The following ESRRG variants were observed in gnomAD, a reference collection of about 807,000 sequenced individuals.
The protein encoded by ESRRG is estrogen related receptor gamma.
In ESRRG, 13 loss-of-function variants were observed where a neutral mutation model predicts 44.0. That is an observed-to-expected ratio of 0.30 (90% CI 0.19 to 0.47). The LOEUF (loss-of-function observed/expected upper bound fraction) is 0.47, where lower values mean the gene tolerates loss of function less well. ESRRG is among the 20% of genes least tolerant of loss of function. ESRRG has a pLI of 1.00. For synonymous variants in ESRRG, 215 were observed against 214.6 expected (o/e 1.00, Z -0.02); for missense variants, 395 against 580.6 (o/e 0.68, Z 3.29).
intron 2 of ESRRG, among the ~76,000 whole-genome samples, chr1:216,912,284 A>AG (rs2060566717): frequency 8.7e-6 from 1 of 114,742 alleles, no homozygotes; most frequent in Non-Finnish European, 1.8e-5. Context: ...AGGAGAGGGG[A>AG]GGAGAGGAAA....
chr1:216,507,214 TATA>T (rs1403071543), intron 6 of ESRRG, 31 bp from the exon 7 acceptor site: 11 of 1,484,222 alleles, frequency 7.4e-6, no homozygotes, highest in African/African-American at 5.6e-5. Context: ...TATGAGTAAT[TATA>T]ATAATAATAG....
chr1:216,611,097 G>A (rs1423328781), intron 3 of ESRRG, among the ~76,000 whole-genome samples: 2 of 151,610 alleles, frequency 1.3e-5, no homozygotes, highest in Non-Finnish European at 2.9e-5. Context: ...CAGCTACTCG[G>A]GAGGCTGAGG....
At chr1:216,639,287 C>T (rs893618281) in intron 3 of ESRRG, among the ~76,000 whole-genome samples, 4 of 152,132 alleles carry the variant, frequency 2.6e-5, no homozygotes, top group Non-Finnish European at 4.4e-5. Flanking sequence ...AAAGAACAAA[C>T]TTAATGGGGT....
At chr1:216,554,723 G>C (rs931529372) in intron 5 of ESRRG, among the ~76,000 whole-genome samples, 5 of 152,098 alleles carry the variant, frequency 3.3e-5, no homozygotes. Flanking sequence ...TGTTAGATTT[G>C]TTGAAAATTA....
chr1:216,700,579 G>A (rs1332340928), intron 1 of ESRRG, among the ~76,000 whole-genome samples: 1 of 152,054 alleles, frequency 6.6e-6, no homozygotes, highest in Non-Finnish European at 1.5e-5. Flanking sequence ...GGTTCGTAAA[G>A]GCCTCCTAAC....
intron 1 of ESRRG, among the ~76,000 whole-genome samples, chr1:217,037,440 A>G (rs2083099043): frequency 6.6e-6 from 1 of 152,154 alleles, no homozygotes; most frequent in Admixed American, 6.5e-5. Flanking sequence ...AGAAACTCTC[A>G]TTTTCAAAAC....
At chr1:216,843,485 A>C (rs2095687078) in intron 2 of ESRRG, among the ~76,000 whole-genome samples, 1 of 152,162 alleles carries the variant, frequency 6.6e-6, no homozygotes, top group South Asian at 2.1e-4. Context: ...ATTGATGAAA[A>C]ATACCACTTA....
At chr1:217,012,653 G>T (rs1397021569) in intron 1 of ESRRG, among the ~76,000 whole-genome samples, 1 of 152,144 alleles carries the variant, frequency 6.6e-6, no homozygotes, top group African/African-American at 2.4e-5. Flanking sequence ...TCCTCAAGCT[G>T]CCTCTCCCCA....
At chr1:217,081,218 A>ATTCTTTTT (rs2091737561) in intron 1 of ESRRG, among the ~76,000 whole-genome samples, 1 of 32,748 alleles carries the variant, frequency 3.1e-5, no homozygotes. Flanking sequence ...AGATAAAAAT[A>ATTCTTTTT]TTCTTTTTTT....
intron 3 of ESRRG, among the ~76,000 whole-genome samples, chr1:216,633,394 C>A (rs530418794): frequency 6.6e-6 from 1 of 152,296 alleles, no homozygotes; most frequent in South Asian, 2.1e-4. Flanking sequence ...ACTCCTATTG[C>A]CTAGATTCCA....
chr1:216,558,239 T>C (rs981085559), intron 5 of ESRRG, among the ~76,000 whole-genome samples: 2 of 152,310 alleles, frequency 1.3e-5, no homozygotes, highest in Admixed American at 6.5e-5. Context: ...AGATTATTTT[T>C]TTCAAAACTT....
At chr1:216,678,103 A>C (rs1405723591) in intron 1 of ESRRG, among the ~76,000 whole-genome samples, 1 of 152,226 alleles carries the variant, frequency 6.6e-6, no homozygotes, top group Non-Finnish European at 1.5e-5. Flanking sequence ...CACATAGGGA[A>C]TATATCCTCA....
At chr1:216,855,433 G>A (rs899316052) in intron 2 of ESRRG, among the ~76,000 whole-genome samples, 1 of 151,816 alleles carries the variant, frequency 6.6e-6, no homozygotes, top group African/African-American at 2.4e-5. Context: ...AATATCTGTG[G>A]GTATATTATT....
intron 5 of ESRRG, among the ~76,000 whole-genome samples, chr1:216,563,032 T>G (rs751195444): frequency 7.9e-5 from 12 of 152,206 alleles, no homozygotes; most frequent in Non-Finnish European, 1.2e-4. Flanking sequence ...CTTATTCTTC[T>G]TTTATATGTA....
Position 216,723,292 on chromosome 1 carries a change from G to C in ESRRG, c.8C>G (p.Ser3Trp). 1 of 1,613,518 alleles carries C rather than the reference G, an allele frequency of 6.2e-7. No homozygotes were observed. The highest frequency in any genetic ancestry group is 8.5e-7 in the Non-Finnish European group (1 of 1,179,814). MD[S>W]VELCLPESFS... ...AGATTCAGGAAGGCAAAGTTCTACC[G>C]AATCCATGTGCGACCGGCAACCATT... Residue 3 changes from serine (S) to tryptophan (W), a missense_variant, in exon 1 of 7, where the codon TCG becomes TGG. Coordinates refer to ENST00000408911, the MANE Select transcript of ESRRG (RefSeq NM_001438.4).
chr1:216,632,525 T>A (rs990634299), intron 3 of ESRRG, among the ~76,000 whole-genome samples: 2 of 152,182 alleles, frequency 1.3e-5, no homozygotes, highest in East Asian at 3.9e-4. Context: ...ATGACTAGAA[T>A]GTTTTCTTAA....
chr1:216,730,900 A>T (rs926739855), intron 2 of ESRRG, among the ~76,000 whole-genome samples: 1 of 152,216 alleles, frequency 6.6e-6, no homozygotes, highest in African/African-American at 2.4e-5. Flanking sequence ...TCTGATAGCT[A>T]AGAAGGAGCA....
intron 2 of ESRRG, chr1:216,864,319 A>G (rs1264097278): frequency 8.0e-6 from 1 of 124,940 alleles, no homozygotes; most frequent in African/African-American, 3.7e-5. Context: ...GCTGGTCTCT[A>G]AATCAACAAG....
At chr1:217,115,139 G>T (rs528436828) in intron 1 of ESRRG, among the ~76,000 whole-genome samples, 1 of 152,102 alleles carries the variant, frequency 6.6e-6, no homozygotes, top group Non-Finnish European at 1.5e-5. Flanking sequence ...ATATGACTAG[G>T]CATTTATTCT....
Sources: gnomAD v4.1 joint callset for allele counts (sites outside exome capture counted in the v4.1 genomes callset) on GRCh38, gnomAD v4.1.1 for gene constraint, MANE v1.5 for transcripts, NCBI Gene and HGNC (gene_info 2026-07-23, HGNC 2026-07-21) for gene names.